The following UBR1 variants were observed in gnomAD, a reference collection of about 807,000 sequenced individuals.
The protein encoded by UBR1 is ubiquitin protein ligase E3 component n-recognin 1.
A neutral mutation model predicts 242.1 loss-of-function variants in UBR1; 102 were observed. That is an observed-to-expected ratio of 0.42 (90% CI 0.36 to 0.50). The LOEUF (loss-of-function observed/expected upper bound fraction) is 0.50, where lower values mean the gene tolerates loss of function less well. Ranked by LOEUF, UBR1 falls within the 20% of genes least tolerant of loss-of-function variation. The pLI is 0.01. For synonymous variants in UBR1, 675 were observed against 684.8 expected, an observed-to-expected ratio of 0.99 and a Z score of 0.22; for missense variants, 1,772 against 2,101.8, an observed-to-expected ratio of 0.84 and a Z score of 3.07.
At chr15:43,077,722 C>T (rs1263744723) in intron 3 of UBR1, among the ~76,000 whole-genome samples, 1 of 149,704 alleles carries the variant, frequency 6.7e-6, no homozygotes, top group Non-Finnish European at 1.5e-5. Flanking sequence ...TTACATAGTA[C>T]TTAAGAAATG....
At chr15:42,960,502 T>G (rs2031997043) in intron 43 of UBR1, 143 bp downstream of exon 43, 1 of 837,676 alleles carries the variant, frequency 1.2e-6, no homozygotes, top group African/African-American at 1.7e-5. Context: ...GAATCTGATT[T>G]CTGGCAAAGA....
At chr15:42,980,339 C>T (rs540239250) in intron 37 of UBR1, among the ~76,000 whole-genome samples, 3 of 152,270 alleles carry the variant, frequency 2.0e-5, no homozygotes, top group Admixed American at 6.5e-5. Flanking sequence ...CAATTAAACA[C>T]CTCGGCAAAG....
chr15:43,009,414 G>A (rs1429318613), intron 29 of UBR1, among the ~76,000 whole-genome samples: 1 of 152,228 alleles, frequency 6.6e-6, no homozygotes, highest in Non-Finnish European at 1.5e-5. Context: ...CCCTGCAGGT[G>A]CCCGCTTATG....
Position 42,957,993 on chromosome 15 carries a change from T to C in UBR1, c.4835+20A>G. On this transcript the variant is annotated intron_variant, in intron 44 of 46. Coordinates refer to ENST00000290650, the MANE Select transcript of UBR1 (RefSeq NM_174916.3). ...AAAATGATTTAAAATTACACACATATATATACACACTCTCCTTACCTGAAA... is the reference window on the plus strand; with the variant it reads ...AAAATGATTTAAAATTACACACATACATATACACACTCTCCTTACCTGAAA... 1.3e-6 allele frequency: 2 copies of C among 1,586,718 alleles called. No homozygotes were observed. The highest frequency in any genetic ancestry group is 1.7e-6 in the Non-Finnish European group (2 of 1,156,210).
At chr15:42,950,545 C>T in intron 45 of UBR1, 182 bp from the exon 46 acceptor site, 1 of 610,972 alleles carries the variant, frequency 1.6e-6, no homozygotes, top group South Asian at 2.0e-5. Flanking sequence ...ACACTTATTG[C>T]TATTTCTGTT....
chr15:43,062,841 T>C (rs2033705099), intron 6 of UBR1, among the ~76,000 whole-genome samples: 2 of 152,110 alleles, frequency 1.3e-5, no homozygotes, highest in South Asian at 4.1e-4. Flanking sequence ...ATTTCTTTCC[T>C]CTTCTCTTCC....
chr15:42,965,924 C>T (rs2032098104), intron 41 of UBR1, among the ~76,000 whole-genome samples: 1 of 152,194 alleles, frequency 6.6e-6, no homozygotes, highest in African/African-American at 2.4e-5. Context: ...AAGCACATAA[C>T]CTATACATAG....
At chr15:43,023,101 G>C (rs530233461) in intron 25 of UBR1, among the ~76,000 whole-genome samples, 2 of 152,200 alleles carry the variant, frequency 1.3e-5, no homozygotes, top group Admixed American at 6.5e-5. Context: ...TTAAACTCCT[G>C]CGCTCAAGTG....
At chr15:43,011,801 C>A (rs2032926651) in intron 29 of UBR1, 7 of 362,280 alleles carry the variant, frequency 1.9e-5, no homozygotes, top group South Asian at 1.5e-4. Context: ...CAAGGAGACA[C>A]ATACAAAAAG....
chr15:43,089,940 T>C (rs1177562273), intron 1 of UBR1, among the ~76,000 whole-genome samples: 3 of 152,214 alleles, frequency 2.0e-5, no homozygotes, highest in Non-Finnish European at 4.4e-5. Flanking sequence ...GGATCCTGGG[T>C]GTTATCCTAG....
chr15:43,070,649 A>G, intron 5 of UBR1, 146 bp downstream of exon 5: 2 of 1,276,512 alleles, frequency 1.6e-6, no homozygotes, highest in Non-Finnish European at 2.2e-6. Context: ...ACAAACGGAC[A>G]TTTTGAAATA....
At chr15:43,049,812 C>T (rs2033531620) in intron 12 of UBR1, among the ~76,000 whole-genome samples, 3 of 152,096 alleles carry the variant, frequency 2.0e-5, no homozygotes, top group East Asian at 3.9e-4. Context: ...ATTGAACAAA[C>T]GGCATTCATG....
At chr15:43,059,223 A>G in intron 8 of UBR1, 31 bp from the exon 9 acceptor site, 1 of 1,581,950 alleles carries the variant, frequency 6.3e-7, no homozygotes, top group Non-Finnish European at 8.7e-7. Flanking sequence ...ACAGTTACAC[A>G]ACTTGTATTC....
At chr15:43,066,412 T>C (rs1020130897) in intron 6 of UBR1, among the ~76,000 whole-genome samples, 3 of 152,220 alleles carry the variant, frequency 2.0e-5, no homozygotes, top group African/African-American at 4.8e-5. Flanking sequence ...TCCAGCTTTG[T>C]TCTTTTTGCT....
chr15:43,090,281 A>T (rs2034091577), intron 1 of UBR1, among the ~76,000 whole-genome samples: 1 of 152,192 alleles, frequency 6.6e-6, no homozygotes, highest in Admixed American at 6.5e-5. Flanking sequence ...ACATAGAGAA[A>T]AATCATGACG....
chr15:43,022,498 G>C (rs939284873), intron 26 of UBR1, among the ~76,000 whole-genome samples: 1 of 151,540 alleles, frequency 6.6e-6, no homozygotes, highest in African/African-American at 2.4e-5. Context: ...TATAGTAAGG[G>C]ATTAAAAAAT....
rs1017991358 is a variant in UBR1, at chr15:42,954,193, A to G, written c.4836-1745T>C. On this transcript the variant is annotated intron_variant, in intron 44 of 46. Coordinates refer to ENST00000290650, the MANE Select transcript of UBR1 (RefSeq NM_174916.3). ...AGCCACTGTACTCAGCCAACCTGGT[A>G]TTCTTAATGCCTGGAAGATAATATC... 2.0e-5 allele frequency among the ~76,000 whole-genome samples: 3 copies of G among 152,098 alleles called. No homozygotes were observed. In the South Asian group the frequency reaches 6.2e-4, roughly 32 times the overall value.
At chr15:42,949,052 G>A (rs2031784063) in intron 46 of UBR1, among the ~76,000 whole-genome samples, 1 of 151,978 alleles carries the variant, frequency 6.6e-6, no homozygotes, top group African/African-American at 2.4e-5. Context: ...ACGATAGACT[G>A]GATTAAGAAA....
At chr15:42,951,803 G>A (rs2031838940) in intron 45 of UBR1, among the ~76,000 whole-genome samples, 2 of 151,876 alleles carry the variant, frequency 1.3e-5, no homozygotes, top group African/African-American at 4.8e-5. Context: ...TAGAGATGGG[G>A]GTCTCGCCTT....
Sources: allele counts gnomAD v4.1 joint callset (sites outside exome capture counted in the v4.1 genomes callset), GRCh38; gene constraint gnomAD v4.1.1; transcripts MANE v1.5; gene names NCBI Gene and HGNC (gene_info 2026-07-23, HGNC 2026-07-21).